ADGRV1: variants seen among roughly 807,000 people sequenced by gnomAD.
The protein encoded by ADGRV1 is adhesion G protein-coupled receptor V1, also known as G-protein coupled receptor 98.
Under a neutral mutation model 596.2 loss-of-function variants are expected in ADGRV1, and 359 were observed. That is an observed-to-expected ratio of 0.60 (90% CI 0.55 to 0.66). The LOEUF (loss-of-function observed/expected upper bound fraction) is 0.66. ADGRV1 is among the 30% of genes least tolerant of loss of function. The pLI is 0.00. For synonymous variants in ADGRV1, 2,681 were observed against 2,679.2 expected (o/e 1.00, Z -0.02); for missense variants, 7,274 against 7,575.6 (o/e 0.96, Z 1.48).
rs1002272509 is a variant in ADGRV1 at position 90,669,524 on chromosome 5, C to T, written c.4753-3022C>T. ...TGTTGTACACATTAAATATTTAATA[C>T]TTATAAACCACAATAGATATGGCAT... On this transcript the variant is annotated intron_variant, in intron 21 of 89. Coordinates refer to ENST00000405460, the MANE Select transcript of ADGRV1 (RefSeq NM_032119.4). 3.3e-5 allele frequency among the ~76,000 whole-genome samples: 5 copies of T among 152,278 alleles called. No individual in the cohort carries two copies. The East Asian group carries it at 9.6e-4, about 29-fold the overall frequency.
In ADGRV1 at chr5:90,704,384, C is replaced by CAT; in HGVS notation, c.8287-3_8287-2dup. ...GCGGGATTGATTTCTTTCTGTATGA[C>CAT]ATAGGGGTCGTTGAATACAACATTG... On this transcript the variant is annotated splice_polypyrimidine_tract_variant and splice_region_variant and intron_variant, in intron 35 of 89. Coordinates refer to ENST00000405460, the MANE Select transcript of ADGRV1 (RefSeq NM_032119.4). 6.5e-7 allele frequency: 1 copy of CAT among 1,541,020 alleles called. No homozygotes were observed. Among genetic ancestry groups the CAT allele is most frequent in the Non-Finnish European group, 8.8e-7 (1 of 1,131,764 alleles).
At chr5:90,566,204 A>G (rs1382820734) in intron 1 of ADGRV1, among the ~76,000 whole-genome samples, 2 of 152,070 alleles carry the variant, frequency 1.3e-5, no homozygotes, top group African/African-American at 4.8e-5. Context: ...TTGGTTGCTT[A>G]TACTTTTGGT....
intron 1 of ADGRV1, among the ~76,000 whole-genome samples, chr5:90,594,445 A>C (rs1190533476): frequency 6.6e-6 from 1 of 151,072 alleles, no homozygotes; most frequent in Non-Finnish European, 1.5e-5. Context: ...TGTGTCAATT[A>C]AACATCTTTC....
chr5:90,622,247 G>A (rs1034419148), intron 4 of ADGRV1, among the ~76,000 whole-genome samples: 1 of 152,136 alleles, frequency 6.6e-6, no homozygotes, highest in African/African-American at 2.4e-5. Context: ...TTGGTCTGGA[G>A]GCTTAATTCA....
intron 50 of ADGRV1, among the ~76,000 whole-genome samples, chr5:90,743,089 A>G (rs977068526): frequency 4.6e-5 from 7 of 152,166 alleles, no homozygotes; most frequent in African/African-American, 1.4e-4. Flanking sequence ...ACAGAAGGTC[A>G]TTTTACTACA....
intron 85 of ADGRV1, among the ~76,000 whole-genome samples, chr5:91,069,915 T>C (rs36031100): frequency 0.013 from 1,720 of 129,964 alleles, 10 homozygotes; most frequent in Non-Finnish European, 0.021. Flanking sequence ...AACCATAGAA[T>C]ACAATGTAGC....
rs1175991673 is a variant in ADGRV1, at chr5:90,999,763, A to G, written c.18152+14241A>G. ...TACAACCACAGATGGTCAAGTGTGT[A>G]TTATTCAGGAAAGAAAACAGTTCTT... is the stretch of plus-strand genomic sequence containing the variant. On this transcript the variant is annotated intron_variant, in intron 85 of 89. Transcript: ENST00000405460. Among the ~76,000 whole-genome samples, 10 of 152,160 alleles carry G rather than the reference A, an allele frequency of 6.6e-5. No homozygotes were observed. In the East Asian group the frequency reaches 1.5e-3, roughly 23 times the overall value.
chr5:90,961,507 A>AAAG (rs1554178779), intron 83 of ADGRV1, among the ~76,000 whole-genome samples: 77 of 81,988 alleles, frequency 9.4e-4, no homozygotes, highest in Non-Finnish European at 1.2e-3. Context: ...AAAAAAAAAA[A>AAAG]GGGGGGGTGG....
At chr5:90,731,485 G>A (rs1412403940) in intron 50 of ADGRV1, among the ~76,000 whole-genome samples, 1 of 152,164 alleles carries the variant, frequency 6.6e-6, no homozygotes, top group Non-Finnish European at 1.5e-5. Flanking sequence ...GGGTAGAATT[G>A]GAGTGATTAA....
chr5:91,054,102 T>TGTGTGTGTGTGAGAGA (rs1299621929), intron 85 of ADGRV1, among the ~76,000 whole-genome samples: 4 of 126,672 alleles, frequency 3.2e-5, no homozygotes, highest in African/African-American at 1.3e-4. Context: ...TGTGTGTGTG[T>TGTGTGTGTGTGAGAGA]GAGAGAGAGA....
intron 83 of ADGRV1, among the ~76,000 whole-genome samples, chr5:90,913,354 T>C (rs1336783706): frequency 4.6e-5 from 7 of 152,242 alleles, no homozygotes; most frequent in Admixed American, 4.6e-4. Flanking sequence ...CCTGAATTTC[T>C]AGACTTTTTA....
chr5:91,137,431 A>G (rs1323218711), intron 87 of ADGRV1, among the ~76,000 whole-genome samples: 1 of 152,174 alleles, frequency 6.6e-6, no homozygotes, highest in Non-Finnish European at 1.5e-5. Context: ...TCATATTTTT[A>G]ACTGCCTCAT....
rs575069020 is a variant in ADGRV1, at chr5:90,791,472, C to T, written c.14517+126C>T. The T allele has an allele frequency of 1.6e-4, 110 of 672,774 alleles. No homozygotes were observed. The African/African-American group carries it at 1.8e-3, about 11-fold the overall frequency. The allele number at this position is 672,774 out of a possible 1,614,324, so 41.7% of individuals were successfully genotyped here. ...AAATGGAACCACAAAAAAATGCCCT[C>T]GAAAATGTTTAGTAACTACTGGATA... is the stretch of plus-strand genomic sequence containing the variant. On this transcript the variant is annotated intron_variant, in intron 70 of 89. Transcript: ENST00000405460.
At chr5:90,989,680 T>G (rs1780805858) in intron 85 of ADGRV1, among the ~76,000 whole-genome samples, 1 of 152,242 alleles carries the variant, frequency 6.6e-6, no homozygotes, top group Non-Finnish European at 1.5e-5. Flanking sequence ...TTTGTTACCT[T>G]CAAGGTTGTA....
intron 83 of ADGRV1, among the ~76,000 whole-genome samples, chr5:90,892,913 T>A (rs1185132889): frequency 6.6e-6 from 1 of 152,192 alleles, no homozygotes; most frequent in Non-Finnish European, 1.5e-5. Flanking sequence ...CCCAATTGAC[T>A]TTGGCTCTGG....
At chr5:91,159,984 G>A (rs978816402) in intron 89 of ADGRV1, among the ~76,000 whole-genome samples, 1 of 152,198 alleles carries the variant, frequency 6.6e-6, no homozygotes, top group African/African-American at 2.4e-5. Flanking sequence ...GGCTTAGAAA[G>A]GAGTCTTTCT....
At chr5:90,841,749 A>C in intron 78 of ADGRV1, among the ~76,000 whole-genome samples, 1 of 152,250 alleles carries the variant, frequency 6.6e-6, no homozygotes, top group East Asian at 1.9e-4. Flanking sequence ...ATGAATGTAT[A>C]ATTACTACAT....
At chr5:91,047,894 T>A (rs1189472517) in intron 85 of ADGRV1, among the ~76,000 whole-genome samples, 2 of 152,232 alleles carry the variant, frequency 1.3e-5, no homozygotes, top group African/African-American at 4.8e-5. Flanking sequence ...GCCTTGTGAT[T>A]ACTGTAAATC....
intron 83 of ADGRV1, among the ~76,000 whole-genome samples, chr5:90,921,092 A>G (rs1486329508): frequency 2.0e-5 from 3 of 152,322 alleles, no homozygotes; most frequent in Non-Finnish European, 2.9e-5. Context: ...ATGTTCCTTC[A>G]TGCCCAAATG....
Sources: gnomAD v4.1 joint callset for allele counts (sites outside exome capture counted in the v4.1 genomes callset) on GRCh38, gnomAD v4.1.1 for gene constraint, MANE v1.5 for transcripts, NCBI Gene and HGNC (gene_info 2026-07-23, HGNC 2026-07-21) for gene names.